The following SMAP1 variants were observed in gnomAD, a reference collection of about 807,000 sequenced individuals.
SMAP1 encodes the protein small ArfGAP 1.
In SMAP1, 24 loss-of-function variants were observed where a neutral mutation model predicts 58.5. The ratio of observed to expected loss-of-function variants is 0.41; its 90% CI spans 0.30 to 0.58. The LOEUF (loss-of-function observed/expected upper bound fraction) is 0.58. Among genes scored for constraint, SMAP1 ranks in the 20% least tolerant of loss-of-function variants. The pLI is 0.29. For missense variants in SMAP1, 563 were observed against 566.3 expected (o/e 0.99, Z 0.06); for synonymous variants, 216 against 196.6 (o/e 1.10, Z -0.82).
At chr6:70,777,757 GT>G (rs879692456) in intron 4 of SMAP1, among the ~76,000 whole-genome samples, 51 of 144,544 alleles carry the variant, frequency 3.5e-4, no homozygotes, top group South Asian at 4.3e-4. Context: ...TCATTATTAA[GT>G]TTTTTTTTTT....
intron 1 of SMAP1, chr6:70,668,777 G>C: frequency 1.3e-6 from 2 of 1,514,424 alleles, no homozygotes; most frequent in Non-Finnish European, 8.9e-7. Context: ...TAGTAGTATT[G>C]TTTTTTAGTC....
At chr6:70,719,120 A>G (rs1164854871) in intron 1 of SMAP1, among the ~76,000 whole-genome samples, 1 of 152,204 alleles carries the variant, frequency 6.6e-6, no homozygotes, top group Non-Finnish European at 1.5e-5. Context: ...TTAGCAAGGA[A>G]AAGTATGGGA....
intron 4 of SMAP1, among the ~76,000 whole-genome samples, chr6:70,785,734 C>G (rs946395774): frequency 6.6e-6 from 1 of 152,204 alleles, no homozygotes; most frequent in Non-Finnish European, 1.5e-5. Context: ...CACATACACC[C>G]TCCCAAGAGT....
intron 1 of SMAP1, among the ~76,000 whole-genome samples, chr6:70,701,156 C>T (rs1562101025): frequency 6.6e-6 from 1 of 152,180 alleles, no homozygotes; most frequent in Non-Finnish European, 1.5e-5. Flanking sequence ...TCTCAGCTCA[C>T]TGCTACCTCC....
chr6:70,770,113 G>A (rs1319369383), intron 3 of SMAP1, among the ~76,000 whole-genome samples: 1 of 151,802 alleles, frequency 6.6e-6, no homozygotes, highest in Non-Finnish European at 1.5e-5. Flanking sequence ...TCTGCCGAGA[G>A]GTCAGCTGTT....
intron 1 of SMAP1, among the ~76,000 whole-genome samples, chr6:70,688,111 A>G (rs577643307): frequency 3.7e-4 from 57 of 152,368 alleles, no homozygotes; most frequent in African/African-American, 1.2e-3. Context: ...TTCAAGACAC[A>G]TCCAAGTTTT....
At chr6:70,762,251 T>G (rs2149897947) in intron 3 of SMAP1, among the ~76,000 whole-genome samples, 1 of 152,274 alleles carries the variant, frequency 6.6e-6, no homozygotes, top group South Asian at 2.1e-4. Flanking sequence ...TAGCTGCCTG[T>G]TTTTGTAAAT....
intron 5 of SMAP1, among the ~76,000 whole-genome samples, chr6:70,791,976 A>G (rs1428759602): frequency 3.3e-5 from 5 of 152,174 alleles, no homozygotes; most frequent in Admixed American, 3.3e-4. Context: ...TGACTGATTT[A>G]TTGGTGCCAT....
intron 1 of SMAP1, among the ~76,000 whole-genome samples, chr6:70,671,460 C>T (rs1030714342): frequency 3.9e-5 from 6 of 152,124 alleles, no homozygotes; most frequent in Admixed American, 1.3e-4. Context: ...GTAATCCCTA[C>T]GTGGGAGGCG....
At chr6:70,827,313 C>A (rs561511841) in intron 6 of SMAP1, among the ~76,000 whole-genome samples, 1 of 152,134 alleles carries the variant, frequency 6.6e-6, no homozygotes, top group Non-Finnish European at 1.5e-5. Context: ...AAAATAAATG[C>A]CAACAAATTG....
chr6:70,838,964 TAG>T (rs1289326328), intron 7 of SMAP1, among the ~76,000 whole-genome samples: 2 of 152,116 alleles, frequency 1.3e-5, no homozygotes, highest in Non-Finnish European at 2.9e-5. Context: ...AATGAGCTTG[TAG>T]AGAGGTAAAT....
chr6:70,690,984 T>C (rs1767143503), intron 1 of SMAP1, among the ~76,000 whole-genome samples: 1 of 152,060 alleles, frequency 6.6e-6, no homozygotes, highest in Admixed American at 6.6e-5. Context: ...TTTTTGTTTG[T>C]TTTTTGCTGA....
intron 6 of SMAP1, among the ~76,000 whole-genome samples, chr6:70,826,934 C>CAA (rs61069311): frequency 0.025 from 1,880 of 76,530 alleles, 100 homozygotes; most frequent in African/African-American, 0.071. Flanking sequence ...AACCGTGTCT[C>CAA]AAAAAAAAAA....
intron 4 of SMAP1, among the ~76,000 whole-genome samples, chr6:70,785,197 A>G (rs935805061): frequency 1.3e-5 from 2 of 152,240 alleles, no homozygotes; most frequent in African/African-American, 4.8e-5. Context: ...CTGCTCCTGA[A>G]TGACTACTGG....
Position 70,861,608 on chromosome 6 carries a change from T to C in SMAP1, c.*1274T>C, listed in dbSNP as rs1282881383. The C allele has an allele frequency of 6.6e-7, 1 of 1,515,514 alleles. No homozygotes were observed. The highest frequency in any genetic ancestry group is 1.4e-5 in the African/African-American group (1 of 72,910). 93.9% of individuals were successfully genotyped at this position (1,515,514 alleles called of 1,614,324 possible). On this transcript the variant is annotated 3_prime_UTR_variant, in exon 11 of 11. Transcript: ENST00000370455. ...TGCTCTGTAGCCTAAACTCCAAACA[T>C]CCTCTTCCATATGGATCCACTGGCT...
At chr6:70,757,364 C>T (rs1377145209) in intron 3 of SMAP1, among the ~76,000 whole-genome samples, 9 of 150,936 alleles carry the variant, frequency 6.0e-5, no homozygotes, top group South Asian at 2.1e-4. Context: ...ATACAAAAAT[C>T]AATTCAAGAT....
intron 7 of SMAP1, among the ~76,000 whole-genome samples, chr6:70,850,172 A>G (rs181636879): frequency 2.2e-4 from 34 of 152,354 alleles, no homozygotes; most frequent in African/African-American, 7.7e-4. Context: ...TATAAAAGTA[A>G]TAAGACATAG....
At position 70,714,175 on chromosome 6, in the gene SMAP1, T is replaced by A. The variant is rs76023991; in HGVS notation, c.119-18203T>A. 3.9e-3 allele frequency among the ~76,000 whole-genome samples: 589 copies of A among 152,214 alleles called. 6 individuals are homozygous for A. Among genetic ancestry groups the A allele is most frequent in the African/African-American group, 0.013 (547 of 41,558 alleles). On this transcript the variant is annotated intron_variant, in intron 1 of 10. Transcript: ENST00000370455. Reference sequence around the variant, plus strand: ...AATGTATAGTTGGATCTTTTTTTTTTAAATTCATTTAGCTGCTTTATCTTT... The same window carrying A: ...AATGTATAGTTGGATCTTTTTTTTTAAAATTCATTTAGCTGCTTTATCTTT...
At chr6:70,794,113 G>A (rs1768492908) in intron 5 of SMAP1, among the ~76,000 whole-genome samples, 2 of 152,128 alleles carry the variant, frequency 1.3e-5, no homozygotes, top group Admixed American at 1.3e-4. Context: ...TACTGGACTT[G>A]AATGTTTAAC....
Sources: gnomAD v4.1 joint callset for allele counts (sites outside exome capture counted in the v4.1 genomes callset) on GRCh38, gnomAD v4.1.1 for gene constraint, MANE v1.5 for transcripts, NCBI Gene and HGNC (gene_info 2026-07-23, HGNC 2026-07-21) for gene names.